The following LRRTM4 variants were observed in gnomAD, a reference collection of about 807,000 sequenced individuals.
The protein encoded by LRRTM4 is leucine rich repeat transmembrane neuronal 4.
Under a neutral mutation model 47.6 loss-of-function variants are expected in LRRTM4, and 25 were observed. The observed-to-expected ratio is 0.53, with a 90% CI of 0.38 to 0.73. The LOEUF (loss-of-function observed/expected upper bound fraction) is 0.73. Among genes scored for constraint, LRRTM4 ranks in the 30% least tolerant of loss-of-function variants. The probability of loss-of-function intolerance (pLI) is 0.00; values close to 1 mark genes in which losing one functional copy is unlikely to be tolerated. For missense variants in LRRTM4, 638 were observed against 713.4 expected (o/e 0.89, Z 1.20); for synonymous variants, 311 against 269.5 (o/e 1.15, Z -1.51).
At chr2:77,137,919 AGC>A in intron 3 of LRRTM4, among the ~76,000 whole-genome samples, 1 of 152,174 alleles carries the variant, frequency 6.6e-6, no homozygotes, top group Admixed American at 6.5e-5. Flanking sequence ...CAACAGGAAG[AGC>A]TAACTATCCT....
intron 3 of LRRTM4, among the ~76,000 whole-genome samples, chr2:76,837,954 G>C (rs984717095): frequency 6.6e-6 from 1 of 151,386 alleles, no homozygotes; most frequent in Non-Finnish European, 1.5e-5. Context: ...GGGTAGGGGG[G>C]AGGGATAGCA....
At chr2:77,019,398 G>C (rs186809139) in intron 3 of LRRTM4, among the ~76,000 whole-genome samples, 1 of 152,058 alleles carries the variant, frequency 6.6e-6, no homozygotes, top group Admixed American at 6.6e-5. Flanking sequence ...TACCTCTTCA[G>C]TCAGAATCAT....
chr2:77,049,111 TATTTC>T (rs1679329976), intron 3 of LRRTM4, among the ~76,000 whole-genome samples: 3 of 123,836 alleles, frequency 2.4e-5, no homozygotes, highest in South Asian at 5.2e-4. Flanking sequence ...GACTAAATAA[TATTTC>T]ATTTTTTATA....
At chr2:76,760,948 T>A (rs760145284) in intron 3 of LRRTM4, among the ~76,000 whole-genome samples, 4 of 152,202 alleles carry the variant, frequency 2.6e-5, no homozygotes, top group Non-Finnish European at 4.4e-5. Context: ...GGCTGCAACT[T>A]TGACAAATCT....
chr2:77,240,448 A>G (rs1211922064), intron 3 of LRRTM4, among the ~76,000 whole-genome samples: 2 of 151,988 alleles, frequency 1.3e-5, no homozygotes, highest in Non-Finnish European at 2.9e-5. Context: ...TTTATCTTCA[A>G]AAATTGTTTC....
chr2:76,900,853 CATTT>C (rs1239838647), intron 3 of LRRTM4, among the ~76,000 whole-genome samples: 1 of 152,106 alleles, frequency 6.6e-6, no homozygotes, highest in African/African-American at 2.4e-5. Context: ...AGTCCTCTGA[CATTT>C]AATTAACACT....
chr2:77,011,173 GTT>G (rs996028298), intron 3 of LRRTM4, among the ~76,000 whole-genome samples: 25 of 152,092 alleles, frequency 1.6e-4, no homozygotes, highest in African/African-American at 5.8e-4. Context: ...GATAAAAATA[GTT>G]TTAACACAGT....
intron 3 of LRRTM4, among the ~76,000 whole-genome samples, chr2:77,503,625 G>C (rs1476711017): frequency 1.3e-5 from 2 of 151,540 alleles, no homozygotes; most frequent in African/African-American, 4.8e-5. Flanking sequence ...CAGAAAGAGA[G>C]GGTGAGAGGG....
intron 3 of LRRTM4, among the ~76,000 whole-genome samples, chr2:77,320,913 T>G (rs1472684363): frequency 1.3e-5 from 2 of 152,122 alleles, no homozygotes; most frequent in Non-Finnish European, 2.9e-5. Context: ...TTCAGCTTTT[T>G]TGATATTTCA....
chr2:76,950,811 T>C (rs575267252), intron 3 of LRRTM4, among the ~76,000 whole-genome samples: 4 of 152,046 alleles, frequency 2.6e-5, no homozygotes, highest in East Asian at 3.9e-4. Context: ...GGTTCAGCCA[T>C]ATTAAGACTA....
chr2:77,162,194 A>T (rs2103811434), intron 3 of LRRTM4, among the ~76,000 whole-genome samples: 1 of 152,278 alleles, frequency 6.6e-6, no homozygotes, highest in East Asian at 1.9e-4. Context: ...GGCTCAGAGG[A>T]TCCCACACCC....
At chr2:77,090,192 C>T (rs1357858242) in intron 3 of LRRTM4, among the ~76,000 whole-genome samples, 3 of 152,164 alleles carry the variant, frequency 2.0e-5, no homozygotes, top group Non-Finnish European at 2.9e-5. Flanking sequence ...CCTCCCCGTC[C>T]TGCCCAGCAA....
intron 3 of LRRTM4, among the ~76,000 whole-genome samples, chr2:77,198,284 C>T (rs1673883176): frequency 6.6e-6 from 1 of 152,148 alleles, no homozygotes. Context: ...ATACCTTCCA[C>T]CACTTACTGG....
intron 3 of LRRTM4, among the ~76,000 whole-genome samples, chr2:77,051,014 CATTT>C (rs1157326709): frequency 4.1e-5 from 6 of 145,454 alleles, no homozygotes; most frequent in African/African-American, 1.5e-4. Flanking sequence ...ATACTTAAAA[CATTT>C]TTTTTTTTTT....
At chr2:77,407,393 C>T (rs2103850038) in intron 3 of LRRTM4, among the ~76,000 whole-genome samples, 1 of 151,430 alleles carries the variant, frequency 6.6e-6, no homozygotes, top group Non-Finnish European at 1.5e-5. Flanking sequence ...TCCAGATTGA[C>T]AAATACTCTG....
chr2:76,973,986 C>G (rs1207575438), intron 3 of LRRTM4, among the ~76,000 whole-genome samples: 1 of 151,436 alleles, frequency 6.6e-6, no homozygotes, highest in East Asian at 1.9e-4. Context: ...AAGATGGAGC[C>G]TAATGTACTG....
At chr2:76,960,609 A>T (rs892434027) in intron 3 of LRRTM4, among the ~76,000 whole-genome samples, 1 of 151,370 alleles carries the variant, frequency 6.6e-6, no homozygotes, top group Non-Finnish European at 1.5e-5. Context: ...GCACACACAC[A>T]TATTATTTTC....
chr2:77,517,773 A>C, intron 3 of LRRTM4: 1 of 985,364 alleles, frequency 1.0e-6, no homozygotes, highest in Non-Finnish European at 1.2e-6. Flanking sequence ...ATGCTGGTAT[A>C]ATAACTAAAT....
intron 3 of LRRTM4, among the ~76,000 whole-genome samples, chr2:77,133,276 T>C (rs1038358995): frequency 6.6e-6 from 1 of 152,214 alleles, no homozygotes; most frequent in African/African-American, 2.4e-5. Context: ...ACACTTAGTC[T>C]GACATGACAC....
Sources: allele counts gnomAD v4.1 joint callset (sites outside exome capture counted in the v4.1 genomes callset), GRCh38; gene constraint gnomAD v4.1.1; transcripts MANE v1.5; gene names NCBI Gene and HGNC (gene_info 2026-07-23, HGNC 2026-07-21).